The following DNAH9 variants were observed in gnomAD, a reference collection of about 807,000 sequenced individuals.
The protein encoded by DNAH9 is DNAH9 variant protein.
DNAH9 carries 345 observed loss-of-function variants against 471.6 expected under a neutral mutation model. The ratio of observed to expected loss-of-function variants is 0.73; its 90% confidence interval spans 0.67 to 0.80. The LOEUF is 0.80. DNAH9 is among the 30% of genes least tolerant of loss of function. The pLI is 0.00. For missense variants in DNAH9, 5,407 were observed against 5,609.2 expected (o/e 0.96, Z 1.15); for synonymous variants, 2,093 against 2,123.6 (o/e 0.99, Z 0.40).
At chr17:11,763,720 C>A in intron 36 of DNAH9, 106 bp downstream of exon 36, 2 of 1,137,572 alleles carry the variant, frequency 1.8e-6, no homozygotes, top group Non-Finnish European at 1.2e-6. Context: ...TCAGAATGGA[C>A]TTGAAAGCAG....
At chr17:11,599,105 A>C (rs961286505) in intron 1 of DNAH9, among the ~76,000 whole-genome samples, 190 bp downstream of exon 1, 1 of 151,824 alleles carries the variant, frequency 6.6e-6, no homozygotes, top group Admixed American at 6.6e-5. Context: ...GAAGTCAGGA[A>C]GAAAATGGGA....
chr17:11,694,179 T>G, intron 21 of DNAH9, 142 bp from the exon 22 acceptor site: 1 of 1,205,782 alleles, frequency 8.3e-7, no homozygotes, highest in East Asian at 2.4e-5. Context: ...CACATCCATG[T>G]ATATCTTTGC....
At chr17:11,726,708 C>T (rs1042235698) in intron 27 of DNAH9, among the ~76,000 whole-genome samples, 1 of 152,132 alleles carries the variant, frequency 6.6e-6, no homozygotes, top group Non-Finnish European at 1.5e-5. Flanking sequence ...AGACTGAGCT[C>T]CCCTATGTCC....
chr17:11,783,781 T>C, intron 40 of DNAH9, 33 bp downstream of exon 40: 1 of 1,567,802 alleles, frequency 6.4e-7, no homozygotes, highest in Non-Finnish European at 8.8e-7. Flanking sequence ...TGGGTCCTAA[T>C]CCTATCTTAC....
chr17:11,878,852 G>A (rs533566776), intron 53 of DNAH9, among the ~76,000 whole-genome samples: 9 of 152,236 alleles, frequency 5.9e-5, no homozygotes, highest in African/African-American at 2.2e-4. Context: ...ACAGGCATGA[G>A]CCACCAGGCC....
chr17:11,700,646 C>T (rs1347240695), intron 23 of DNAH9, among the ~76,000 whole-genome samples: 2 of 152,124 alleles, frequency 1.3e-5, no homozygotes, highest in African/African-American at 4.8e-5. Context: ...AATTCTAGTG[C>T]CAGAAAATAA....
rs1008623926 is a variant in DNAH9, at chr17:11,926,617, A to G, written c.11877+2676A>G. Among the ~76,000 whole-genome samples, 3 of 152,202 alleles carry G rather than the reference A, an allele frequency of 2.0e-5. No homozygotes were observed. In the East Asian group the frequency reaches 5.8e-4, roughly 29 times the overall value. ...CCTTTTTATGGCTGCATAGTATTCC[A>G]TGGTGTATATGTACCACATTTTCTT... On this transcript the variant is annotated intron_variant, in intron 62 of 68. Coordinates refer to ENST00000262442, the MANE Select transcript of DNAH9 (RefSeq NM_001372.4).
Position 11,669,372 on chromosome 17 carries a change from C to A in DNAH9, c.2931C>A (p.Val977=). ...SPQNGSPHYQ[V]DLDGIPDLAN... is the part of the protein sequence containing the mutation. ...CTGCCGTTGTCTCGCTTCCCCAGGT[C>A]GACCTGGACGGTATACCAGATTTGG... Residue 977 remains valine, a splice_region_variant and synonymous_variant, in exon 17 of 69, where the codon GTC becomes GTA. Transcript: ENST00000262442. 1 of 1,607,778 alleles carries A rather than the reference C, an allele frequency of 6.2e-7. No individual in the cohort carries two copies. The highest frequency in any genetic ancestry group is 1.1e-5 in the South Asian group (1 of 90,222).
At chr17:11,729,254 T>C (rs2075215696) in intron 28 of DNAH9, among the ~76,000 whole-genome samples, 2 of 152,084 alleles carry the variant, frequency 1.3e-5, no homozygotes, top group Admixed American at 6.6e-5. Context: ...AAGCACATCG[T>C]TTGCCAGCTT....
In DNAH9 at chr17:11,661,853, A is replaced by T. The variant is rs1050945888; in HGVS notation, c.2596-2980A>T. Among the ~76,000 whole-genome samples the T allele has an allele frequency of 2.6e-5, 4 of 152,244 alleles. No individual in the cohort carries two copies. In the East Asian group the frequency reaches 7.7e-4, roughly 29 times the overall value. On this transcript the variant is annotated intron_variant, in intron 14 of 68. Transcript: ENST00000262442. ...GTTATAGTTTTTACTTTTAAAATTT[A>T]AGAAAAAATATTTACAGTGTTTTAT...
intron 58 of DNAH9, 128 bp from the exon 59 acceptor site, chr17:11,894,246 A>T: frequency 7.6e-7 from 1 of 1,314,486 alleles, no homozygotes; most frequent in Non-Finnish European, 1.1e-6. Context: ...TACCCTCATT[A>T]AACAACCAAA....
intron 35 of DNAH9, among the ~76,000 whole-genome samples, chr17:11,760,368 T>G (rs1481588725): frequency 5.3e-5 from 8 of 152,162 alleles, no homozygotes; most frequent in Non-Finnish European, 1.0e-4. Context: ...TCATGTGTCT[T>G]TGTTTGTGCA....
At chr17:11,794,169 C>T (rs138442310) in intron 42 of DNAH9, among the ~76,000 whole-genome samples, 7,363 of 151,444 alleles carry the variant, frequency 0.049, 565 homozygotes, top group African/African-American at 0.17. Context: ...CTCAGCCTCC[C>T]GAGTAGCTGG....
intron 43 of DNAH9, among the ~76,000 whole-genome samples, chr17:11,803,134 A>T (rs1969529940): frequency 6.6e-6 from 1 of 152,172 alleles, no homozygotes; most frequent in South Asian, 2.1e-4. Context: ...CCTTAGTAGT[A>T]CCACTTTTCT....
rs112687156 is a variant in DNAH9 at position 11,714,280 on chromosome 17, T to C, written c.5553-5054T>C. On this transcript the variant is annotated intron_variant, in intron 26 of 68. Coordinates refer to ENST00000262442, the MANE Select transcript of DNAH9 (RefSeq NM_001372.4). The stretch of plus-strand genomic sequence containing the variant: ...TGCATGTATCCAAATGGTTGGAAGA[T>C]TACTTTACATTCATCCCTCTTAAAT... 3.3e-5 allele frequency among the ~76,000 whole-genome samples: 5 copies of C among 152,284 alleles called. 1 individual carries two copies. Among genetic ancestry groups the C allele is most frequent in the African/African-American group, 1.2e-4 (5 of 41,542 alleles).
At chr17:11,907,820 C>T (rs1013067337) in intron 61 of DNAH9, among the ~76,000 whole-genome samples, 7 of 152,186 alleles carry the variant, frequency 4.6e-5, no homozygotes, top group African/African-American at 1.4e-4. Context: ...CCTCCAGATA[C>T]GCAGTCCCCC....
intron 8 of DNAH9, among the ~76,000 whole-genome samples, chr17:11,633,891 A>C (rs2073112735): frequency 6.6e-6 from 1 of 152,220 alleles, no homozygotes; most frequent in African/African-American, 2.4e-5. Context: ...CATCTGCTAC[A>C]TGTCTACAGA....
intron 19 of DNAH9, among the ~76,000 whole-genome samples, chr17:11,687,880 G>A (rs1271924891): frequency 6.6e-6 from 1 of 151,688 alleles, no homozygotes; most frequent in African/African-American, 2.4e-5. Flanking sequence ...TCATGCCTAT[G>A]GTCCCAGCAC....
intron 50 of DNAH9, among the ~76,000 whole-genome samples, chr17:11,864,001 T>C (rs1432374973): frequency 4.6e-5 from 7 of 150,790 alleles, no homozygotes; most frequent in Non-Finnish European, 1.0e-4. Flanking sequence ...TTTTGAAGGG[T>C]TTTTTGTGTC....
Sources: allele counts gnomAD v4.1 joint callset (sites outside exome capture counted in the v4.1 genomes callset), GRCh38; gene constraint gnomAD v4.1.1; transcripts MANE v1.5; gene names NCBI Gene and HGNC (gene_info 2026-07-23, HGNC 2026-07-21).